LINGO2: variants seen among roughly 807,000 people sequenced by gnomAD.
The protein encoded by LINGO2 is leucine-rich repeat and immunoglobulin-like domain-containing nogo receptor-interacting protein 2.
Under a neutral mutation model 30.6 loss-of-function variants are expected in LINGO2, and 14 were observed. That is an observed-to-expected ratio of 0.46 (90% CI 0.30 to 0.72). The LOEUF is 0.72. LINGO2 is among the 30% of genes least tolerant of loss of function. LINGO2 has a pLI of 0.07. For synonymous variants in LINGO2, 317 were observed against 288.5 expected (o/e 1.10, Z -1.00); for missense variants, 729 against 751.7 (o/e 0.97, Z 0.35).
chr9:28,065,416 G>C (rs1317685919), intron 4 of LINGO2, among the ~76,000 whole-genome samples: 3 of 121,576 alleles, frequency 2.5e-5, no homozygotes, highest in African/African-American at 9.5e-5. Context: ...GAGGGTGGGG[G>C]ATGGTCAGGA....
the LINGO2 span, among the ~76,000 whole-genome samples, chr9:29,182,193 G>A: frequency 5.9e-5 from 9 of 152,224 alleles, no homozygotes; most frequent in South Asian, 4.1e-4. Context: ...TACCCACAAC[G>A]CATTTAAAAT....
At chr9:29,082,845 C>T in the LINGO2 span, among the ~76,000 whole-genome samples, 1 of 152,172 alleles carries the variant, frequency 6.6e-6, no homozygotes, top group Non-Finnish European at 1.5e-5. Flanking sequence ...CTCATCATCA[C>T]TGGCCATCAG....
chr9:28,685,755 A>T, the LINGO2 span, among the ~76,000 whole-genome samples: 1 of 152,150 alleles, frequency 6.6e-6, no homozygotes, highest in Admixed American at 6.6e-5. Context: ...TAATCTACAG[A>T]TATGGAAAAA....
At chr9:29,078,657 T>C in the LINGO2 span, among the ~76,000 whole-genome samples, 1 of 151,972 alleles carries the variant, frequency 6.6e-6, no homozygotes, top group Non-Finnish European at 1.5e-5. Context: ...TACGTACACA[T>C]ATATGCCAAC....
chr9:29,143,470 C>A, the LINGO2 span, among the ~76,000 whole-genome samples: 1 of 151,964 alleles, frequency 6.6e-6, no homozygotes, highest in African/African-American at 2.4e-5. Flanking sequence ...GATACATAGA[C>A]AAGTGGGACA....
chr9:29,187,612 T>G, the LINGO2 span, among the ~76,000 whole-genome samples: 2 of 152,296 alleles, frequency 1.3e-5, no homozygotes, highest in South Asian at 4.1e-4. Flanking sequence ...AAACTATAAC[T>G]TTGCATTATA....
At chr9:29,058,025 CACA>C in the LINGO2 span, among the ~76,000 whole-genome samples, 1 of 151,970 alleles carries the variant, frequency 6.6e-6, no homozygotes, top group Non-Finnish European at 1.5e-5. Flanking sequence ...GCATCTCAAG[CACA>C]ACAAGACATC....
intron 2 of LINGO2, among the ~76,000 whole-genome samples, chr9:28,468,290 G>GAAAGAGCGA (rs1378908332): frequency 2.0e-5 from 3 of 152,158 alleles, no homozygotes; most frequent in Admixed American, 1.3e-4. Flanking sequence ...ACTTGGACCA[G>GAAAGAGCGA]AAAGAGCGAA....
chr9:28,342,179 C>A (rs2134394410), intron 3 of LINGO2, among the ~76,000 whole-genome samples: 1 of 152,256 alleles, frequency 6.6e-6, no homozygotes. Context: ...CTGCCACAAA[C>A]CTCTCGCTGT....
chr9:28,771,346 C>T, the LINGO2 span, among the ~76,000 whole-genome samples: 1 of 151,596 alleles, frequency 6.6e-6, no homozygotes, highest in African/African-American at 2.4e-5. Context: ...CTGTTTTCCT[C>T]TAGAATTTAC....
At chr9:28,878,790 C>G in the LINGO2 span, among the ~76,000 whole-genome samples, 12 of 152,216 alleles carry the variant, frequency 7.9e-5, no homozygotes, top group South Asian at 4.1e-4. Context: ...TTTCAACAAC[C>G]CTTCATGCTA....
chr9:28,155,698 C>T (rs1295367786), intron 4 of LINGO2, among the ~76,000 whole-genome samples: 1 of 152,078 alleles, frequency 6.6e-6, no homozygotes, highest in African/African-American at 2.4e-5. Flanking sequence ...ATGTGTCTTC[C>T]CAAAATTCCT....
At chr9:28,769,342 T>C in the LINGO2 span, among the ~76,000 whole-genome samples, 1 of 149,874 alleles carries the variant, frequency 6.7e-6, no homozygotes, top group South Asian at 2.1e-4. Flanking sequence ...AATTCCTGCA[T>C]GTTAACAAAT....
At chr9:28,826,514 C>T in the LINGO2 span, among the ~76,000 whole-genome samples, 2 of 152,142 alleles carry the variant, frequency 1.3e-5, no homozygotes, top group South Asian at 4.2e-4. Context: ...ACAGGCCTGC[C>T]AAAAGCCTCA....
At chr9:28,532,628 G>T (rs977922267) in intron 1 of LINGO2, among the ~76,000 whole-genome samples, 3 of 152,140 alleles carry the variant, frequency 2.0e-5, no homozygotes, top group Non-Finnish European at 4.4e-5. Flanking sequence ...CAAGGAGAAA[G>T]AAAAAGCAGG....
At chr9:28,042,919 C>G (rs1824259825) in intron 4 of LINGO2, among the ~76,000 whole-genome samples, 2 of 152,130 alleles carry the variant, frequency 1.3e-5, no homozygotes, top group Admixed American at 6.5e-5. Context: ...TTGCCAGATA[C>G]CTAGTTCAGT....
chr9:28,484,099 C>G (rs1432092425), intron 1 of LINGO2, among the ~76,000 whole-genome samples: 1 of 151,946 alleles, frequency 6.6e-6, no homozygotes, highest in Non-Finnish European at 1.5e-5. Flanking sequence ...TTTAAAGTAC[C>G]CTTCACCTGA....
chr9:28,886,771 AC>A, the LINGO2 span, among the ~76,000 whole-genome samples: 1 of 152,116 alleles, frequency 6.6e-6, no homozygotes, highest in Admixed American at 6.6e-5. Context: ...CTAAACTAAA[AC>A]TTTGCTTTTA....
At chr9:28,643,741 AG>A (rs1225406991) in intron 1 of LINGO2, among the ~76,000 whole-genome samples, 20 of 152,118 alleles carry the variant, frequency 1.3e-4, no homozygotes, top group Admixed American at 1.0e-3. Context: ...AATGCAGTAA[AG>A]AGACAACCCA....
Sources: gnomAD v4.1 joint callset for allele counts (sites outside exome capture counted in the v4.1 genomes callset) on GRCh38, gnomAD v4.1.1 for gene constraint, MANE v1.5 for transcripts, NCBI Gene and HGNC (gene_info 2026-07-23, HGNC 2026-07-21) for gene names.